Variants in PLD5 observed in about 807,000 individuals in gnomAD.
The protein encoded by PLD5 is inactive phospholipase D5.
A neutral mutation model predicts 61.1 loss-of-function variants in PLD5; 36 were observed. The observed-to-expected ratio is 0.59, with a 90% CI of 0.45 to 0.78. PLD5 has a LOEUF of 0.78. Ranked by LOEUF, PLD5 falls within the 30% of genes least tolerant of loss-of-function variation. PLD5 has a pLI of 0.00. For synonymous variants in PLD5, 243 were observed against 242.8 expected (o/e 1.00, Z -0.01); for missense variants, 515 against 644.4 (o/e 0.80, Z 2.17).
In PLD5 at chr1:242,521,002, A is replaced by C. The variant is rs1222819473; in HGVS notation, c.189+3086T>G. ...GACATTATGAAGCAGAACAGGAAAC[A>C]AAAGATTTTAACAACCAAGAGCATT... On this transcript the variant is annotated intron_variant, in intron 1 of 9. Coordinates refer to ENST00000536534, the MANE Select transcript of PLD5 (RefSeq NM_001372062.1). Among the ~76,000 whole-genome samples, 7 of 152,380 alleles carry C rather than the reference A, an allele frequency of 4.6e-5. No homozygotes were observed. In the East Asian group the frequency reaches 7.7e-4, roughly 17 times the overall value.
chr1:242,165,313 G>A (rs1666221607), intron 5 of PLD5, among the ~76,000 whole-genome samples: 1 of 151,994 alleles, frequency 6.6e-6, no homozygotes, highest in South Asian at 2.1e-4. Context: ...CTTCTCCAGT[G>A]CAAGTTATAA....
At position 242,244,700 on chromosome 1, in the gene PLD5, A is replaced by G. The variant is rs886899022; in HGVS notation, c.607+20637T>C. On this transcript the variant is annotated intron_variant, in intron 4 of 9. Transcript: ENST00000536534. ...TGCAAAAAATTCAGCAGAGCTCACCATTGTTCTGAGATTTCAGGGGTCAAG... is the reference window on the plus strand; with the variant it reads ...TGCAAAAAATTCAGCAGAGCTCACCGTTGTTCTGAGATTTCAGGGGTCAAG... Among the ~76,000 whole-genome samples, 7 of 152,298 alleles carry G rather than the reference A, an allele frequency of 4.6e-5. No homozygotes were observed. In the East Asian group the frequency reaches 1.4e-3, roughly 29 times the overall value.
At chr1:242,496,000 A>G (rs759373232) in intron 1 of PLD5, among the ~76,000 whole-genome samples, 1 of 152,262 alleles carries the variant, frequency 6.6e-6, no homozygotes, top group Admixed American at 6.5e-5. Context: ...TAATGTAAAT[A>G]AGAAATTATT....
upstream of PLD5, among the ~76,000 whole-genome samples, chr1:242,529,016 TC>T (rs1669500011): frequency 6.6e-6 from 1 of 152,138 alleles, no homozygotes; most frequent in Non-Finnish European, 1.5e-5. Context: ...CCACATAAAA[TC>T]ATTGACCCAA....
intron 5 of PLD5, among the ~76,000 whole-genome samples, chr1:242,174,061 A>G (rs886885514): frequency 1.6e-4 from 24 of 152,232 alleles, no homozygotes; most frequent in Admixed American, 2.0e-4. Context: ...ATCTAATTAA[A>G]CTAAAGAGCT....
intron 5 of PLD5, among the ~76,000 whole-genome samples, chr1:242,207,211 C>T (rs1669374034): frequency 6.6e-6 from 1 of 152,170 alleles, no homozygotes; most frequent in East Asian, 1.9e-4. Flanking sequence ...CACCGGAGCC[C>T]AGCCAAGTTG....
intron 1 of PLD5, among the ~76,000 whole-genome samples, chr1:242,389,746 A>C (rs1662814989): frequency 1.3e-5 from 2 of 152,028 alleles, no homozygotes; most frequent in South Asian, 4.1e-4. Flanking sequence ...CAGACTTAGG[A>C]TTCATGAGGG....
At chr1:242,294,963 G>T (rs1675568231) in intron 2 of PLD5, among the ~76,000 whole-genome samples, 1 of 152,152 alleles carries the variant, frequency 6.6e-6, no homozygotes, top group African/African-American at 2.4e-5. Context: ...CAGTTATCAG[G>T]ACCTGACCTT....
Position 242,207,824 on chromosome 1 carries a change from T to A in PLD5, c.735+12164A>T, listed in dbSNP as rs1222550733. ...TTTATATATATTTATATTTATATAT[T>A]TATATATATTTATATATTTATATAT... On this transcript the variant is annotated intron_variant, in intron 5 of 9. Transcript: ENST00000536534. 1.1e-3 allele frequency among the ~76,000 whole-genome samples: 58 copies of A among 51,860 alleles called. 3 individuals are homozygous for A. The highest frequency in any genetic ancestry group is 2.6e-3 in the African/African-American group (28 of 10,910). The allele number at this position is 51,860 out of a possible 152,430, so 34.0% of individuals were successfully genotyped here.
chr1:242,399,284 C>T (rs557836416), intron 1 of PLD5, among the ~76,000 whole-genome samples: 4 of 152,232 alleles, frequency 2.6e-5, no homozygotes, highest in South Asian at 2.1e-4. Flanking sequence ...GTTTTCTCAG[C>T]GTGAGTAGAG....
intron 1 of PLD5, among the ~76,000 whole-genome samples, chr1:242,394,138 G>C (rs1199462951): frequency 4.4e-5 from 4 of 91,412 alleles, no homozygotes; most frequent in African/African-American, 1.5e-4. Context: ...ATATATATGA[G>C]TATATATATG....
At chr1:242,175,601 C>T (rs906370896) in intron 5 of PLD5, among the ~76,000 whole-genome samples, 1 of 152,080 alleles carries the variant, frequency 6.6e-6, no homozygotes, top group African/African-American at 2.4e-5. Context: ...CTGGCCAGGA[C>T]AATCAGGCAA....
chr1:242,229,008 G>T (rs1671128599), intron 4 of PLD5, among the ~76,000 whole-genome samples: 1 of 152,126 alleles, frequency 6.6e-6, no homozygotes, highest in Admixed American at 6.5e-5. Context: ...CATAATTTTT[G>T]AAGTCCCTCA....
At chr1:242,158,109 G>C (rs1262203520) in intron 5 of PLD5, among the ~76,000 whole-genome samples, 1 of 152,182 alleles carries the variant, frequency 6.6e-6, no homozygotes, top group South Asian at 2.1e-4. Flanking sequence ...TACACCATGA[G>C]GGTAAAACCA....
At chr1:242,321,911 T>A (rs1658439855) in intron 2 of PLD5, among the ~76,000 whole-genome samples, 1 of 152,114 alleles carries the variant, frequency 6.6e-6, no homozygotes, top group African/African-American at 2.4e-5. Context: ...GTGTAGGGAT[T>A]CTCTTTTTTA....
At chr1:242,447,413 G>A (rs1345532051) in intron 1 of PLD5, among the ~76,000 whole-genome samples, 1 of 152,164 alleles carries the variant, frequency 6.6e-6, no homozygotes, top group Non-Finnish European at 1.5e-5. Flanking sequence ...TTTCATCATG[G>A]AAAGGATTTA....
intron 6 of PLD5, among the ~76,000 whole-genome samples, chr1:242,121,953 AG>A (rs1479782520): frequency 5.5e-4 from 19 of 34,774 alleles, no homozygotes; most frequent in Admixed American, 2.8e-3. Context: ...GGGTGGGGGG[AG>A]GGGGGAGGGA....
At chr1:242,440,775 CTA>C (rs903611557) in intron 1 of PLD5, among the ~76,000 whole-genome samples, 6 of 152,188 alleles carry the variant, frequency 3.9e-5, no homozygotes, top group African/African-American at 7.2e-5. Flanking sequence ...GCACAGAACA[CTA>C]TGTTTTTTCT....
intron 4 of PLD5, among the ~76,000 whole-genome samples, chr1:242,240,136 C>T (rs1353637739): frequency 6.6e-6 from 1 of 152,214 alleles, no homozygotes; most frequent in African/African-American, 2.4e-5. Flanking sequence ...TGGCAAGTGG[C>T]CAGCACTCTT....
Sources: allele counts gnomAD v4.1 joint callset (sites outside exome capture counted in the v4.1 genomes callset), GRCh38; gene constraint gnomAD v4.1.1; transcripts MANE v1.5; gene names NCBI Gene and HGNC (gene_info 2026-07-23, HGNC 2026-07-21).